The following RALYL variants were observed in gnomAD, a reference collection of about 807,000 sequenced individuals.
RALYL encodes the protein RNA-binding Raly-like protein.
A neutral mutation model predicts 35.1 loss-of-function variants in RALYL; 29 were observed. That is an observed-to-expected ratio of 0.83 (90% CI 0.61 to 1.13). RALYL has a LOEUF of 1.13. Among genes scored for constraint, RALYL ranks in the 50% most tolerant of loss-of-function variants. The probability of loss-of-function intolerance (pLI) is 0.00; values close to 1 mark genes in which losing one functional copy is unlikely to be tolerated. For missense variants in RALYL, 359 were observed against 360.4 expected (o/e 1.00, Z 0.03); for synonymous variants, 120 against 127.6 (o/e 0.94, Z 0.40).
chr8:84,552,336 G>GTT (rs1564131734), intron 2 of RALYL, among the ~76,000 whole-genome samples: 40 of 84,144 alleles, frequency 4.8e-4, no homozygotes, highest in African/African-American at 2.2e-3. Context: ...TAGGATGTGT[G>GTT]TGTATATATA....
chr8:84,652,072 C>A (rs1329130631), intron 2 of RALYL, among the ~76,000 whole-genome samples: 1 of 151,970 alleles, frequency 6.6e-6, no homozygotes, highest in Non-Finnish European at 1.5e-5. Context: ...ATTCCAGTCC[C>A]CTGTGATTGC....
chr8:84,840,724 A>C (rs922363530), intron 4 of RALYL, among the ~76,000 whole-genome samples: 5 of 152,206 alleles, frequency 3.3e-5, no homozygotes, highest in African/African-American at 7.2e-5. Context: ...AGAAAAAGGT[A>C]GGGTTACCCA....
At chr8:84,581,896 A>T (rs779934405) in intron 2 of RALYL, among the ~76,000 whole-genome samples, 2 of 152,154 alleles carry the variant, frequency 1.3e-5, no homozygotes, top group Non-Finnish European at 2.9e-5. Flanking sequence ...AATTTATTCC[A>T]AACAATAGAT....
At chr8:84,804,685 T>A in intron 3 of RALYL, 85 bp from the exon 4 acceptor site, 2 of 608,356 alleles carry the variant, frequency 3.3e-6, no homozygotes, top group Non-Finnish European at 4.9e-6. Flanking sequence ...ACAAGTATAA[T>A]AATTTTGTCA....
intron 4 of RALYL, among the ~76,000 whole-genome samples, chr8:84,830,266 G>A (rs972760188): frequency 6.6e-6 from 1 of 152,038 alleles, no homozygotes; most frequent in African/African-American, 2.4e-5. Flanking sequence ...ATTTTGCAAA[G>A]TTGCAAATAT....
At chr8:84,531,680 T>C (rs534102481) in intron 2 of RALYL, among the ~76,000 whole-genome samples, 2 of 152,096 alleles carry the variant, frequency 1.3e-5, no homozygotes, top group Admixed American at 1.3e-4. Flanking sequence ...AACAAATACT[T>C]GAGGAAATGC....
intron 1 of RALYL, among the ~76,000 whole-genome samples, chr8:84,401,943 A>C (rs2042963619): frequency 6.6e-6 from 1 of 151,968 alleles, no homozygotes; most frequent in Non-Finnish European, 1.5e-5. Context: ...GGCTTAGTTC[A>C]GATCTCATCT....
In RALYL at chr8:84,665,288, T is replaced by C. The variant is rs190451190; in HGVS notation, c.257-109291T>C. 2.7e-3 allele frequency among the ~76,000 whole-genome samples: 408 copies of C among 148,838 alleles called. 1 individual carries two copies. The highest frequency in any genetic ancestry group is 4.6e-3 in the Non-Finnish European group (307 of 66,382). On this transcript the variant is annotated intron_variant, in intron 2 of 8. Coordinates refer to ENST00000521268, the MANE Select transcript of RALYL (RefSeq NM_173848.7). ...TTGGCCTGAAGTTTTCTTTTTTTGT[T>C]GTATCTCTACCAGGCTTTTTTTAAT...
chr8:84,220,845 G>A (rs948475027), intron 1 of RALYL, among the ~76,000 whole-genome samples: 4 of 151,682 alleles, frequency 2.6e-5, no homozygotes, highest in African/African-American at 7.2e-5. Flanking sequence ...CCTTTACTTC[G>A]TTAAAATTTT....
At chr8:84,920,840 A>G (rs1190289083) in intron 8 of RALYL, 54 bp from the exon 9 acceptor site, 3 of 816,800 alleles carry the variant, frequency 3.7e-6, no homozygotes, top group Middle Eastern at 3.2e-4. Flanking sequence ...TACGCATGCT[A>G]TCAACAATAA....
At position 84,223,170 on chromosome 8, in the gene RALYL, CT is replaced by C. The variant is rs1268503794; in HGVS notation, c.-24+38748del. Among the ~76,000 whole-genome samples, 189 of 32,448 alleles carry C rather than the reference CT, an allele frequency of 5.8e-3. 2 individuals are homozygous for C. The highest frequency in any genetic ancestry group is 0.014 in the African/African-American group (107 of 7,794). The allele number at this position is 32,448 out of a possible 152,430, so 21.3% of individuals were successfully genotyped here. On this transcript the variant is annotated intron_variant, in intron 1 of 8. Transcript: ENST00000521268. ...TTCCTTTCCTTTCTTTCCTTCCTCCCTTCCCTTCCCTTCCCTTCCCTTCCCT... is the reference window on the plus strand; with the variant it reads ...TTCCTTTCCTTTCTTTCCTTCCTCCCTCCCTTCCCTTCCCTTCCCTTCCCT...
At chr8:84,616,712 T>C (rs1819778361) in intron 2 of RALYL, among the ~76,000 whole-genome samples, 1 of 151,246 alleles carries the variant, frequency 6.6e-6, no homozygotes, top group Admixed American at 6.6e-5. Context: ...TTCTAGGGTT[T>C]TTATGGTTTT....
intron 4 of RALYL, among the ~76,000 whole-genome samples, chr8:84,845,046 C>G (rs1472811411): frequency 6.6e-6 from 1 of 151,958 alleles, no homozygotes; most frequent in Non-Finnish European, 1.5e-5. Flanking sequence ...TGCAGCACAC[C>G]CACACGGCAC....
At chr8:84,642,752 A>G (rs2131391494) in intron 2 of RALYL, among the ~76,000 whole-genome samples, 1 of 152,164 alleles carries the variant, frequency 6.6e-6, no homozygotes, top group Middle Eastern at 3.4e-3. Flanking sequence ...AAAGAAAGGA[A>G]TGGAGAGAAG....
At chr8:84,748,707 C>T (rs970352185) in intron 2 of RALYL, among the ~76,000 whole-genome samples, 8 of 152,054 alleles carry the variant, frequency 5.3e-5, no homozygotes, top group Admixed American at 4.6e-4. Context: ...TGACCAGAAC[C>T]TTGGAATCTT....
At chr8:84,871,183 C>A (rs1489681901) in intron 6 of RALYL, among the ~76,000 whole-genome samples, 1 of 152,192 alleles carries the variant, frequency 6.6e-6, no homozygotes, top group Non-Finnish European at 1.5e-5. Flanking sequence ...GAAAGATGTT[C>A]TTTCAGTGCT....
At chr8:84,592,652 T>C (rs1000263889) in intron 2 of RALYL, among the ~76,000 whole-genome samples, 1 of 152,136 alleles carries the variant, frequency 6.6e-6, no homozygotes, top group Admixed American at 6.6e-5. Flanking sequence ...AAGTAGGCTA[T>C]TATAATGGGA....
At chr8:84,904,879 T>C (rs2135595797) in intron 8 of RALYL, among the ~76,000 whole-genome samples, 1 of 152,228 alleles carries the variant, frequency 6.6e-6, no homozygotes, top group South Asian at 2.1e-4. Context: ...TCCACCCAAT[T>C]TTCTTATGAC....
chr8:84,348,581 A>G (rs191839679), intron 1 of RALYL, among the ~76,000 whole-genome samples: 80 of 152,258 alleles, frequency 5.3e-4, no homozygotes, highest in Middle Eastern at 6.8e-3. Context: ...CACAATGCCC[A>G]GGCAATTACA....
Sources: allele counts gnomAD v4.1 joint callset (sites outside exome capture counted in the v4.1 genomes callset), GRCh38; gene constraint gnomAD v4.1.1; transcripts MANE v1.5; gene names NCBI Gene and HGNC (gene_info 2026-07-23, HGNC 2026-07-21).